Variants in NSMCE4A observed in about 807,000 individuals in gnomAD.
The protein encoded by NSMCE4A is non-structural maintenance of chromosomes element 4 homolog A.
Under a neutral mutation model 47.9 loss-of-function variants are expected in NSMCE4A, and 40 were observed. The observed-to-expected ratio is 0.83, with a 90% confidence interval of 0.65 to 1.09. NSMCE4A has a LOEUF of 1.09. Among genes scored for constraint, NSMCE4A ranks in the 50% least tolerant of loss-of-function variants. The pLI is 0.00. For missense variants in NSMCE4A, 500 were observed against 507.0 expected, an observed-to-expected ratio of 0.99 and a Z score of 0.13; for synonymous variants, 166 against 178.5, an observed-to-expected ratio of 0.93 and a Z score of 0.56.
intron 6 of NSMCE4A, chr10:121,961,924 G>A: frequency 4.4e-6 from 1 of 228,442 alleles, no homozygotes; most frequent in Non-Finnish European, 8.8e-6. Flanking sequence ...CCAACATGGC[G>A]AAACAATGTC....
chr10:121,963,297 G>A lies in NSMCE4A; in HGVS notation c.785C>T (p.Ala262Val). The A allele has an allele frequency of 1.9e-6, 3 of 1,610,972 alleles. No individual in the cohort carries two copies. The highest frequency in any genetic ancestry group is 2.5e-6 in the Non-Finnish European group (3 of 1,177,876). The change falls in exon 6 of 11, where the codon GCA becomes GTA. Residue 262 changes from alanine (A) to valine (V), a missense_variant. By Grantham distance (64) the Ala-to-Val change is moderately conservative (BLOSUM62 0). Coordinates refer to ENST00000369023, the MANE Select transcript of NSMCE4A (RefSeq NM_017615.3). ...GATTCTTTCTACTTCTTTCTCTGTT[G>A]CTTCTTGATGAGATTCTTCCATTCT... ...LRRMEESHQE[A>V]TEKEVERILG... is the part of the protein sequence containing the mutation.
At chr10:121,965,198 A>AG in intron 5 of NSMCE4A, 88 bp downstream of exon 5, 2 of 892,116 alleles carry the variant, frequency 2.2e-6, no homozygotes, top group South Asian at 3.3e-5. Context: ...CCGCACACTT[A>AG]GAAAAAATGG....
Position 121,975,070 on chromosome 10 carries a change from GGACCGC to G in NSMCE4A, c.90_95del (p.Arg31_Ser32del). ...CGCGGCGGGACCTGGGCGACAAAGG[GGACCGC>G]GAGCGGGAGCGGGAGCGGGTGCGAT... On this transcript the variant is annotated inframe_deletion, in exon 1 of 11. Coordinates refer to ENST00000369023, the MANE Select transcript of NSMCE4A (RefSeq NM_017615.3). 1 of 1,450,400 alleles carries G rather than the reference GGACCGC, an allele frequency of 6.9e-7. No homozygotes were observed. Among genetic ancestry groups the G allele is most frequent in the Non-Finnish European group, 9.0e-7 (1 of 1,111,492 alleles). 89.8% of individuals were successfully genotyped at this position (1,450,400 alleles called of 1,614,324 possible).
At chr10:121,969,519 A>G (rs926302677) in intron 3 of NSMCE4A, among the ~76,000 whole-genome samples, 39 of 134,638 alleles carry the variant, frequency 2.9e-4, no homozygotes, top group African/African-American at 1.1e-3. Context: ...AAAAAAAAAA[A>G]GGAAAAGGTT....
At chr10:121,959,460 G>A in intron 9 of NSMCE4A, 41 bp downstream of exon 9, 2 of 1,611,528 alleles carry the variant, frequency 1.2e-6, no homozygotes, top group Non-Finnish European at 8.5e-7. Flanking sequence ...GCAAGTGAAG[G>A]CAGAGTCAGA....
At chr10:121,961,364 T>C in intron 7 of NSMCE4A, 59 bp downstream of exon 7, 5 of 1,214,446 alleles carry the variant, frequency 4.1e-6, no homozygotes, top group Non-Finnish European at 5.7e-6. Flanking sequence ...CTACAGCTTT[T>C]CTTATGTAGC....
At chr10:121,969,153 GC>G in intron 3 of NSMCE4A, among the ~76,000 whole-genome samples, 1 of 152,304 alleles carries the variant, frequency 6.6e-6, no homozygotes, top group East Asian at 1.9e-4. Flanking sequence ...GGCCAGCCTG[GC>G]CAACATGGCG....
rs1448298676 is a variant in NSMCE4A, at chr10:121,960,495, A to G, written c.940-89T>C. 6 of 873,960 alleles carry G rather than the reference A, an allele frequency of 6.9e-6. No homozygotes were observed. Among genetic ancestry groups the G allele is most frequent in the Non-Finnish European group, 1.0e-5 (6 of 582,486 alleles). 54.1% of individuals were successfully genotyped at this position (873,960 alleles called of 1,614,324 possible). A position where few individuals can be genotyped will look rare whatever the true frequency, so the allele number is the denominator to read the frequency against. On this transcript the variant is annotated intron_variant, in intron 7 of 10. Transcript: ENST00000369023. This position sits in a 1 kb window ranked among gnomAD's most constrained non-coding sequence, Gnocchi z 4.2. The stretch of plus-strand genomic sequence containing the variant: ...ATGGAAAAAATTACTCAGAAAATTC[A>G]GTATCTCAGAAAATCAAATTACACC...
Position 121,960,661 on chromosome 10 carries a change from C to T in NSMCE4A, c.940-255G>A, listed in dbSNP as rs1952481158. ...ATCTCTTAAGTGAAACTCATCTTGT[C>T]TCTTTAACTGATTTATACATATTTT... On this transcript the variant is annotated intron_variant, in intron 7 of 10. Transcript: ENST00000369023. This position sits in a 1 kb window ranked among gnomAD's most constrained non-coding sequence, Gnocchi z 4.2. 6.6e-6 allele frequency among the ~76,000 whole-genome samples: 1 copy of T among 152,180 alleles called. No homozygotes were observed. The highest frequency in any genetic ancestry group is 2.1e-4 in the South Asian group (1 of 4,834).
intron 6 of NSMCE4A, 95 bp downstream of exon 6, chr10:121,963,143 A>C: frequency 3.4e-6 from 2 of 584,856 alleles, no homozygotes; most frequent in South Asian, 6.4e-5. Context: ...TATTTATTCA[A>C]ATATTACATA....
At chr10:121,959,747 C>T (rs1952464559) in intron 8 of NSMCE4A, 152 bp from the exon 9 acceptor site, 2 of 617,322 alleles carry the variant, frequency 3.2e-6, no homozygotes, top group South Asian at 4.0e-5. Flanking sequence ...CATTATGGAG[C>T]TGCTGTAGTA....
intron 5 of NSMCE4A, among the ~76,000 whole-genome samples, chr10:121,964,940 CG>C (rs887963588): frequency 6.6e-6 from 1 of 152,040 alleles, no homozygotes. Flanking sequence ...ACTCAGGGGT[CG>C]GGGGGGCTAT....
chr10:121,970,342 G>C (rs901849875), intron 3 of NSMCE4A, among the ~76,000 whole-genome samples: 3 of 151,712 alleles, frequency 2.0e-5, no homozygotes, highest in African/African-American at 7.3e-5. Flanking sequence ...CGTGGTGGCA[G>C]GCGCCTGTAG....
In NSMCE4A at chr10:121,974,872, AC is replaced by A; in HGVS notation, c.292+1del. 6.8e-7 allele frequency: 1 copy of A among 1,480,328 alleles called. No individual in the cohort carries two copies. The highest frequency in any genetic ancestry group is 3.0e-5 in the East Asian group (1 of 33,204). 91.7% of individuals were successfully genotyped at this position (1,480,328 alleles called of 1,614,324 possible). ...CCGCGCCGCCCGGAGGCGCCGCCTT[AC>A]GTTGGACGGAGTTGATGAGCGCCCG... On this transcript the variant is annotated splice_donor_variant, in intron 1 of 10. Coordinates refer to ENST00000369023, the MANE Select transcript of NSMCE4A (RefSeq NM_017615.3). LOFTEE classifies it high-confidence loss of function.
chr10:121,963,153 A>T, intron 6 of NSMCE4A, 85 bp downstream of exon 6: 1 of 662,498 alleles, frequency 1.5e-6, no homozygotes, highest in Admixed American at 2.6e-5. Flanking sequence ...AATATTACAT[A>T]CAGCTGAAAT....
At chr10:121,971,882 G>T (rs1383142383) in intron 2 of NSMCE4A, among the ~76,000 whole-genome samples, 1 of 152,214 alleles carries the variant, frequency 6.6e-6, no homozygotes, top group Non-Finnish European at 1.5e-5. Context: ...TCATGCCTCT[G>T]TATGGCTTCA....
rs1409514606 is a variant in NSMCE4A at position 121,961,416 on chromosome 10, A to C, written c.939+7T>G. On this transcript the variant is annotated splice_region_variant and intron_variant, in intron 7 of 10. Transcript: ENST00000369023. ...AAAGCAATTAGAAAAATAATCTTTA[A>C]TCTTACCCGTATAATGAAGGAAACA... The C allele has an allele frequency of 1.3e-6, 2 of 1,540,072 alleles. No individual in the cohort carries two copies. The highest frequency in any genetic ancestry group is 4.7e-5 in the East Asian group (2 of 42,754).
chr10:121,974,106 G>A, intron 1 of NSMCE4A, 25 bp from the exon 2 acceptor site: 1 of 1,565,470 alleles, frequency 6.4e-7, no homozygotes, highest in Non-Finnish European at 8.7e-7. Flanking sequence ...ACAAACTTTG[G>A]GAAATTTGTT....
At chr10:121,969,622 T>C (rs1200550012) in intron 3 of NSMCE4A, among the ~76,000 whole-genome samples, 1 of 151,984 alleles carries the variant, frequency 6.6e-6, no homozygotes, top group Non-Finnish European at 1.5e-5. Flanking sequence ...TTAATAACCA[T>C]TTAACATAAA....
Sources: allele counts gnomAD v4.1 joint callset (sites outside exome capture counted in the v4.1 genomes callset), GRCh38; gene constraint gnomAD v4.1.1; non-coding constraint Gnocchi (gnomAD v3.1); transcripts MANE v1.5; gene names NCBI Gene and HGNC (gene_info 2026-07-23, HGNC 2026-07-21).